Variants in ERI1 observed in about 807,000 individuals in gnomAD.
ERI1 encodes 3'-5' exoribonuclease 1.
ERI1 carries 39 observed loss-of-function variants against 39.7 expected under a neutral mutation model. That is an observed-to-expected ratio of 0.98 (90% CI 0.76 to 1.28). ERI1 has a LOEUF of 1.28. Ranked by LOEUF, ERI1 falls within the 50% of genes most tolerant of loss-of-function variation. The probability of loss-of-function intolerance (pLI) is 0.00; values close to 1 mark genes in which losing one functional copy is unlikely to be tolerated. For synonymous variants in ERI1, 204 were observed against 149.6 expected (o/e 1.36, Z -2.65); for missense variants, 581 against 416.9 (o/e 1.39, Z -3.43).
chr8:9,050,494 T>G (rs1467929255), intron 3 of ERI1, among the ~76,000 whole-genome samples: 2 of 113,156 alleles, frequency 1.8e-5, no homozygotes, highest in East Asian at 2.3e-4. Context: ...GCAACAAGAG[T>G]GAAACTCCAT....
At chr8:9,090,959 T>G (rs6992247) in intron 3 of ERI1, among the ~76,000 whole-genome samples, 93,916 of 152,048 alleles carry the variant, frequency 0.62, 30,420 homozygotes, top group Non-Finnish European at 0.69. Context: ...TTCTAATACT[T>G]AGCATTTAAG....
chr8:9,016,510 A>G (rs958302062), intron 4 of ERI1, 105 bp downstream of exon 4: 7 of 517,328 alleles, frequency 1.4e-5, no homozygotes, highest in African/African-American at 8.0e-5. Context: ...GAACAATTTA[A>G]TACCTTGCTT....
At chr8:9,060,814 G>T (rs1385079239) in intron 3 of ERI1, among the ~76,000 whole-genome samples, 1 of 152,202 alleles carries the variant, frequency 6.6e-6, no homozygotes, top group Non-Finnish European at 1.5e-5. Flanking sequence ...GCATTGTCTA[G>T]AGCAACGGGA....
intron 3 of ERI1, among the ~76,000 whole-genome samples, chr8:9,086,938 C>G (rs1799547983): frequency 6.6e-6 from 1 of 152,128 alleles, no homozygotes; most frequent in African/African-American, 2.4e-5. Flanking sequence ...CAGGAAAATT[C>G]TCAAAATTTT....
chr8:9,017,966 G>C (rs567712863), intron 4 of ERI1, among the ~76,000 whole-genome samples: 1 of 152,288 alleles, frequency 6.6e-6, no homozygotes, highest in South Asian at 2.1e-4. Flanking sequence ...GTGGCTTTCA[G>C]CTTAGAAGAG....
At chr8:9,052,587 T>G (rs964220628) in intron 3 of ERI1, among the ~76,000 whole-genome samples, 2 of 152,172 alleles carry the variant, frequency 1.3e-5, no homozygotes, top group African/African-American at 4.8e-5. Context: ...GGGACATCTT[T>G]TGCACACAGA....
At chr8:9,034,285 A>T (rs561621538), downstream of ERI1, among the ~76,000 whole-genome samples, 3 of 152,240 alleles carry the variant, frequency 2.0e-5, no homozygotes, top group East Asian at 5.8e-4. Context: ...CTGCTCAATC[A>T]TTGTGGAGCC....
intron 3 of ERI1, among the ~76,000 whole-genome samples, chr8:9,074,088 A>G (rs1479589295): frequency 2.0e-5 from 3 of 150,562 alleles, no homozygotes; most frequent in Non-Finnish European, 4.4e-5. Flanking sequence ...GCACCCAGCC[A>G]TACTTTTTTG....
chr8:9,056,160 GA>G (rs893372693), intron 3 of ERI1, among the ~76,000 whole-genome samples: 4 of 152,238 alleles, frequency 2.6e-5, no homozygotes, highest in African/African-American at 9.6e-5. Flanking sequence ...TTTGGAAATG[GA>G]AAGGTTTCTG....
chr8:9,057,415 G>A (rs969840528), intron 3 of ERI1, among the ~76,000 whole-genome samples: 1 of 152,156 alleles, frequency 6.6e-6, no homozygotes. Flanking sequence ...CTAGGGACTG[G>A]CAACAACTCC....
intron 6 of ERI1, among the ~76,000 whole-genome samples, chr8:9,023,573 T>A (rs1236935766): frequency 6.6e-6 from 1 of 152,082 alleles, no homozygotes; most frequent in Non-Finnish European, 1.5e-5. Context: ...TTGGCCAGTT[T>A]GTTAGCCTGC....
chr8:9,064,606 T>C (rs1798809747), intron 3 of ERI1, among the ~76,000 whole-genome samples: 1 of 151,912 alleles, frequency 6.6e-6, no homozygotes, highest in Non-Finnish European at 1.5e-5. Context: ...TGAGGGATAG[T>C]GAGAGAGGTT....
intron 6 of ERI1, among the ~76,000 whole-genome samples, chr8:9,024,150 T>C (rs1441316232): frequency 1.3e-5 from 2 of 152,204 alleles, no homozygotes; most frequent in Non-Finnish European, 2.9e-5. Context: ...TGGAAATGGG[T>C]AATTAAACTT....
At chr8:9,022,031 C>A (rs1004154155) in intron 6 of ERI1, among the ~76,000 whole-genome samples, 2 of 151,846 alleles carry the variant, frequency 1.3e-5, no homozygotes, top group African/African-American at 4.8e-5. Flanking sequence ...GTTGCTGGGT[C>A]ATGGGATATG....
intron 3 of ERI1, among the ~76,000 whole-genome samples, chr8:9,044,333 T>C (rs1178859449): frequency 1.3e-5 from 2 of 152,114 alleles, no homozygotes; most frequent in African/African-American, 4.8e-5. Context: ...CCTGGAATGG[T>C]GCTGAGATTG....
At chr8:9,046,776 G>A (rs1042207000) in intron 3 of ERI1, among the ~76,000 whole-genome samples, 5 of 152,324 alleles carry the variant, frequency 3.3e-5, no homozygotes, top group Middle Eastern at 3.4e-3. Flanking sequence ...TGTCTGGATT[G>A]GAAGAAATGG....
At chr8:9,041,838 G>A (rs1354964143) in intron 3 of ERI1, among the ~76,000 whole-genome samples, 3 of 152,124 alleles carry the variant, frequency 2.0e-5, no homozygotes, top group South Asian at 2.1e-4. Context: ...GGGTTCAGGC[G>A]ATTCTCTTGC....
intron 3 of ERI1, among the ~76,000 whole-genome samples, chr8:9,068,015 G>T (rs1798936190): frequency 6.6e-6 from 1 of 152,036 alleles, no homozygotes; most frequent in Non-Finnish European, 1.5e-5. Flanking sequence ...CAAGCAAGAA[G>T]TTTCCACTAA....
intron 6 of ERI1, among the ~76,000 whole-genome samples, chr8:9,024,253 C>G (rs961241898): frequency 2.0e-5 from 3 of 152,004 alleles, no homozygotes; most frequent in African/African-American, 7.2e-5. Context: ...TAGGCTGAAA[C>G]AATATAAATA....
Sources: gnomAD v4.1 joint callset for allele counts (sites outside exome capture counted in the v4.1 genomes callset) on GRCh38, gnomAD v4.1.1 for gene constraint, MANE v1.5 for transcripts, NCBI Gene and HGNC (gene_info 2026-07-23, HGNC 2026-07-21) for gene names.